Variants in PPP4R2 observed in about 807,000 individuals in gnomAD.
The protein encoded by PPP4R2 is protein phosphatase 4 regulatory subunit 2.
PPP4R2 carries 13 observed loss-of-function variants against 47.2 expected under a neutral mutation model. The ratio of observed to expected loss-of-function variants is 0.28; its 90% confidence interval spans 0.18 to 0.44. The LOEUF is 0.44. Ranked by LOEUF, PPP4R2 falls within the 20% of genes least tolerant of loss-of-function variation. The pLI is 1.00. For missense variants in PPP4R2, 421 were observed against 491.2 expected (o/e 0.86, Z 1.35); for synonymous variants, 151 against 163.3 (o/e 0.92, Z 0.57).
At chr3:73,037,808 C>T (rs1196549204) in intron 2 of PPP4R2, among the ~76,000 whole-genome samples, 1 of 152,012 alleles carries the variant, frequency 6.6e-6, no homozygotes, top group Non-Finnish European at 1.5e-5. Context: ...TTCTCTTGTA[C>T]CATCACTGAA....
intron 2 of PPP4R2, among the ~76,000 whole-genome samples, chr3:73,004,152 A>G (rs1426809415): frequency 6.7e-6 from 1 of 149,246 alleles, no homozygotes; most frequent in East Asian, 2.0e-4. Flanking sequence ...TCTTATGTGT[A>G]TGTCTTGTAT....
rs1157812224 is a variant in PPP4R2, at chr3:73,069,043, T to TA, written c.*3323dup. 14 of 152,244 alleles carry TA rather than the reference T, an allele frequency of 9.2e-5. No individual in the cohort carries two copies. Among genetic ancestry groups the TA allele is most frequent in the South Asian group, 4.1e-4 (2 of 4,830 alleles). 9.4% of individuals were successfully genotyped at this position (152,244 alleles called of 1,614,324 possible). A position where few individuals can be genotyped will look rare whatever the true frequency, so the allele number is the denominator to read the frequency against. On this transcript the variant is annotated 3_prime_UTR_variant, in exon 9 of 9. Transcript: ENST00000356692. The stretch of plus-strand genomic sequence containing the variant: ...TTAGGTTTGCTGGGTTTTGGCCTAA[T>TA]AAGAGTGCTAGTATGTATTGGTTAG...
Position 73,067,593 on chromosome 3 carries a change from A to T in PPP4R2, c.*1871A>T, listed in dbSNP as rs1296387955. 1 of 152,200 alleles carries T rather than the reference A, an allele frequency of 6.6e-6. No individual in the cohort carries two copies. Among genetic ancestry groups the T allele is most frequent in the Non-Finnish European group, 1.5e-5 (1 of 67,998 alleles). 9.4% of individuals were successfully genotyped at this position (152,200 alleles called of 1,614,324 possible). A position where few individuals can be genotyped will look rare whatever the true frequency, so the allele number is the denominator to read the frequency against. ...TTTCAAAAATGTTAAAATGAGGCAA[A>T]TTTAAGTTTACAAATTTTGAAATTT... On this transcript the variant is annotated 3_prime_UTR_variant, in exon 9 of 9. Transcript: ENST00000356692.
At chr3:73,060,943 T>A in intron 4 of PPP4R2, 80 bp from the exon 5 acceptor site, 1 of 947,430 alleles carries the variant, frequency 1.1e-6, no homozygotes. Flanking sequence ...CCCACCAGAG[T>A]GATTTTAGAA....
chr3:73,061,514 A>G (rs1575889838), intron 5 of PPP4R2: 1 of 155,262 alleles, frequency 6.4e-6, no homozygotes, highest in Non-Finnish European at 1.4e-5. Flanking sequence ...AACTATGGAC[A>G]TTTTGTACCA....
chr3:73,039,497 C>T (rs1410453745), intron 2 of PPP4R2, among the ~76,000 whole-genome samples: 1 of 152,182 alleles, frequency 6.6e-6, no homozygotes, highest in African/African-American at 2.4e-5. Flanking sequence ...AATTGTATCA[C>T]ATAATTTACC....
intron 2 of PPP4R2, among the ~76,000 whole-genome samples, chr3:73,026,703 T>G (rs556496907): frequency 0.018 from 640 of 35,032 alleles, 4 homozygotes; most frequent in Middle Eastern, 0.044. Context: ...TTTTTGCGAT[T>G]TTTTTTTAAA....
chr3:72,997,879 G>A (rs1452593664), intron 1 of PPP4R2, among the ~76,000 whole-genome samples, 198 bp from the exon 2 acceptor site: 2 of 152,164 alleles, frequency 1.3e-5, no homozygotes, highest in Non-Finnish European at 2.9e-5. Context: ...CCCTTTAGGA[G>A]GATTCTTGTT....
intron 2 of PPP4R2, among the ~76,000 whole-genome samples, chr3:73,034,887 T>C (rs1046462315): frequency 6.6e-6 from 1 of 150,960 alleles, no homozygotes; most frequent in Non-Finnish European, 1.5e-5. Context: ...ATCATTGGTC[T>C]GGGCAAAGGT....
chr3:73,020,399 C>A (rs983573472), intron 2 of PPP4R2, among the ~76,000 whole-genome samples: 1 of 152,118 alleles, frequency 6.6e-6, no homozygotes, highest in African/African-American at 2.4e-5. Context: ...GGGTGGCTCA[C>A]GCCTGTAATC....
At chr3:73,000,395 T>G (rs930830456) in intron 2 of PPP4R2, among the ~76,000 whole-genome samples, 2 of 152,200 alleles carry the variant, frequency 1.3e-5, no homozygotes, top group Admixed American at 1.3e-4. Flanking sequence ...AAGAAAGCAT[T>G]AACAGAAGTA....
chr3:73,041,341 T>A (rs1390173591), intron 2 of PPP4R2, among the ~76,000 whole-genome samples: 2 of 152,196 alleles, frequency 1.3e-5, no homozygotes, highest in Non-Finnish European at 2.9e-5. Context: ...TTAGTCCTTT[T>A]AAAAATGTCA....
intron 2 of PPP4R2, among the ~76,000 whole-genome samples, chr3:73,037,147 C>G (rs1214470209): frequency 6.6e-6 from 1 of 152,110 alleles, no homozygotes; most frequent in Non-Finnish European, 1.5e-5. Flanking sequence ...ACTTAATACA[C>G]AGACGACTAC....
intron 2 of PPP4R2, among the ~76,000 whole-genome samples, chr3:73,029,408 G>C (rs959374482): frequency 1.3e-5 from 2 of 152,234 alleles, no homozygotes; most frequent in African/African-American, 4.8e-5. Context: ...GTGGTAGCAG[G>C]AGGTGTTAAG....
rs535813131 is a variant in PPP4R2 at position 73,052,022 on chromosome 3, C to A, written c.287+4666C>A. 3.3e-5 allele frequency among the ~76,000 whole-genome samples: 5 copies of A among 152,224 alleles called. No individual in the cohort carries two copies. In the South Asian group the frequency reaches 1.0e-3, roughly 32 times the overall value. ...GCTTCTGGAGAGCTGGGGTAACAGT[C>A]TTTTCCAAACAAGGCCTAGAAGAGT... On this transcript the variant is annotated intron_variant, in intron 3 of 8. Coordinates refer to ENST00000356692, the MANE Select transcript of PPP4R2 (RefSeq NM_174907.4).
intron 2 of PPP4R2, among the ~76,000 whole-genome samples, chr3:73,036,975 C>T (rs1286047459): frequency 6.6e-6 from 1 of 152,190 alleles, no homozygotes; most frequent in African/African-American, 2.4e-5. Flanking sequence ...GCAGTGCTAA[C>T]TCATTTTTAT....
At chr3:73,054,253 A>G (rs1430028587) in intron 3 of PPP4R2, among the ~76,000 whole-genome samples, 1 of 152,212 alleles carries the variant, frequency 6.6e-6, no homozygotes, top group Non-Finnish European at 1.5e-5. Context: ...AGGAACCCCA[A>G]TGATGTAAGT....
chr3:73,047,093 T>C, intron 2 of PPP4R2, 93 bp from the exon 3 acceptor site: 3 of 698,502 alleles, frequency 4.3e-6, no homozygotes, highest in Non-Finnish European at 7.0e-6. Flanking sequence ...ATTTTGTTAG[T>C]ATTAGTGTCA....
intron 2 of PPP4R2, among the ~76,000 whole-genome samples, chr3:73,017,442 A>G (rs1206772064): frequency 2.0e-5 from 3 of 152,172 alleles, no homozygotes; most frequent in Non-Finnish European, 4.4e-5. Flanking sequence ...AGCAGTGCTG[A>G]CCACTTCCCC....
Sources: allele counts gnomAD v4.1 joint callset (sites outside exome capture counted in the v4.1 genomes callset), GRCh38; gene constraint gnomAD v4.1.1; transcripts MANE v1.5; gene names NCBI Gene and HGNC (gene_info 2026-07-23, HGNC 2026-07-21).